Variants in TBR1 observed in about 807,000 individuals in gnomAD.
TBR1 encodes T-box brain protein 1.
TBR1 carries 7 observed loss-of-function variants against 60.3 expected under a neutral mutation model. The observed-to-expected ratio is 0.12, with a 90% confidence interval of 0.07 to 0.22. The LOEUF (loss-of-function observed/expected upper bound fraction) is 0.22. Among genes scored for constraint, TBR1 ranks in the 10% least tolerant of loss-of-function variants. The pLI, the probability that TBR1 is intolerant of heterozygous loss-of-function variation, is 1.00. For missense variants in TBR1, 616 were observed against 936.8 expected (o/e 0.66, Z 4.47); for synonymous variants, 417 against 409.9 (o/e 1.02, Z -0.21).
intron 2 of TBR1, 23 bp from the exon 3 acceptor site, chr2:161,418,178 A>C: frequency 6.2e-7 from 1 of 1,607,148 alleles, no homozygotes; most frequent in South Asian, 1.1e-5. Flanking sequence ...GGGCATATGT[A>C]AACAATGTAT....
intron 2 of TBR1, 100 bp from the exon 3 acceptor site, chr2:161,418,101 T>TGG: frequency 2.2e-6 from 2 of 911,772 alleles, no homozygotes; most frequent in Non-Finnish European, 2.8e-6. Flanking sequence ...TGTGTATGTG[T>TGG]GTGTGTGTGT....
rs1348387453 is a variant in TBR1 at position 161,424,662 on chromosome 2, G to A, written c.*435G>A. On this transcript the variant is annotated 3_prime_UTR_variant, in exon 6 of 6. Coordinates refer to ENST00000389554, the MANE Select transcript of TBR1 (RefSeq NM_006593.4). The surrounding 1 kb of genome is among the most constrained non-coding windows in gnomAD (Gnocchi z 4.4). ...CATAGGATGTTGACTCTAGAACCTG[G>A]ACCCACCCAGCGCGTCCTTTCTTAT... The A allele has an allele frequency of 6.3e-6, 1 of 158,274 alleles. No homozygotes were observed. Among genetic ancestry groups the A allele is most frequent in the African/African-American group, 2.4e-5 (1 of 41,578 alleles). The allele number at this position is 158,274 out of a possible 1,614,324, so 9.8% of individuals were successfully genotyped here.
Position 161,423,826 on chromosome 2 carries a change from C to G in TBR1, c.1648C>G (p.Pro550Ala), listed in dbSNP as rs1033104710. Reference sequence around the variant, plus strand: ...CCCGTCGGGCTGGGGCGCCCGCAGTCCCCCGCAGTACTGCGGCACCAAGTC... The same window carrying G: ...CCCGTCGGGCTGGGGCGCCCGCAGTGCCCCGCAGTACTGCGGCACCAAGTC... The part of the protein sequence containing the change: ...ADPSGWGARS[P>A]PQYCGTKSGS... The change falls in exon 6 of 6, where the codon CCC becomes GCC. Residue 550 changes from proline to alanine, a missense_variant. Physicochemically the swap from Pro to Ala is conservative, Grantham distance 27 (BLOSUM62 -1). Around this residue, in one of 8 missense-constraint regions of TBR1, gnomAD observed 210 missense variants for 297.4 expected, o/e 0.71. Transcript: ENST00000389554. 8 of 1,476,224 alleles carry G rather than the reference C, an allele frequency of 5.4e-6. No individual in the cohort carries two copies. The South Asian group carries it at 9.1e-5, about 17-fold the overall frequency. The allele number at this position is 1,476,224 out of a possible 1,614,324, so 91.4% of individuals were successfully genotyped here.
intron 5 of TBR1, chr2:161,423,131 C>T: frequency 2.5e-6 from 1 of 395,658 alleles, no homozygotes; most frequent in Non-Finnish European, 4.4e-6. Context: ...TGGTCTGTAT[C>T]TTGCTCAGGT....
Position 161,417,601 on chromosome 2 carries a change from G to T in TBR1, c.693-75G>T. The T allele has an allele frequency of 2.0e-6, 3 of 1,530,946 alleles. No individual in the cohort carries two copies. Among genetic ancestry groups the T allele is most frequent in the South Asian group, 1.3e-5 (1 of 76,920 alleles). 94.8% of individuals were successfully genotyped at this position (1,530,946 alleles called of 1,614,324 possible). The stretch of plus-strand genomic sequence containing the variant: ...GTTTTGCTTTGCTAACTGGCGCCCC[G>T]CTTCTTGCATTTAATCTTTAACATT... On this transcript the variant is annotated intron_variant, in intron 1 of 5. Coordinates refer to ENST00000389554, the MANE Select transcript of TBR1 (RefSeq NM_006593.4). This position sits in a 1 kb window ranked among gnomAD's most constrained non-coding sequence, Gnocchi z 5.3.
rs760442649 is a variant in TBR1 at position 161,416,809 on chromosome 2, G to T, written c.399G>T (p.Ala133=). 3.1e-6 allele frequency: 5 copies of T among 1,614,062 alleles called. No homozygotes were observed. The highest frequency in any genetic ancestry group is 4.2e-6 in the Non-Finnish European group (5 of 1,180,028). Residue 133 remains alanine, a synonymous_variant, in exon 1 of 6, where the codon GCG becomes GCT. Transcript: ENST00000389554. The surrounding 1 kb of genome is among the most constrained non-coding windows in gnomAD (Gnocchi z 6.1). ...MFPYPGQHGP[A]HPAFSIGSPS... ...CGTACCCCGGCCAGCACGGACCGGC[G>T]CACCCCGCCTTCTCCATCGGCAGCC...
At position 161,424,459 on chromosome 2, in the gene TBR1, G is replaced by C. The variant is rs1684290367; in HGVS notation, c.*232G>C. ...CCTTCAACTTTGCTGTAAACCTTTT[G>C]GTTTTCCTACTTACTCTTCTTCTGT... On this transcript the variant is annotated 3_prime_UTR_variant, in exon 6 of 6. Coordinates refer to ENST00000389554, the MANE Select transcript of TBR1 (RefSeq NM_006593.4). This position sits in a 1 kb window ranked among gnomAD's most constrained non-coding sequence, Gnocchi z 4.4. 1 of 523,976 alleles carries C rather than the reference G, an allele frequency of 1.9e-6. No individual in the cohort carries two copies. Among genetic ancestry groups the C allele is most frequent in the Non-Finnish European group, 3.4e-6 (1 of 297,922 alleles). 32.5% of individuals were successfully genotyped at this position (523,976 alleles called of 1,614,324 possible).
chr2:161,421,553 A>G (rs1233462734), intron 5 of TBR1: 1 of 152,234 alleles, frequency 6.6e-6, no homozygotes, highest in East Asian at 1.9e-4. Context: ...AGATTTTGAG[A>G]TTTTAATTCT....
chr2:161,418,813 C>T, intron 3 of TBR1, 79 bp from the exon 4 acceptor site: 1 of 1,515,236 alleles, frequency 6.6e-7, no homozygotes, highest in Non-Finnish European at 8.8e-7. Context: ...CCCGGGCGCG[C>T]AGCCGGGCGC....
At chr2:161,418,800 C>A in intron 3 of TBR1, 92 bp from the exon 4 acceptor site, 1 of 1,493,964 alleles carries the variant, frequency 6.7e-7, no homozygotes, top group Non-Finnish European at 8.9e-7. Context: ...CTGCCTCCGC[C>A]GGCCCGGGCG....
chr2:161,421,865 C>G (rs1684236338), intron 5 of TBR1: 1 of 152,048 alleles, frequency 6.6e-6, no homozygotes, highest in Admixed American at 6.6e-5. Flanking sequence ...CCTCTGGCTG[C>G]CTTCTGTTGG....
At chr2:161,418,625 A>G in intron 3 of TBR1, 1 of 551,586 alleles carries the variant, frequency 1.8e-6, no homozygotes, top group Non-Finnish European at 3.1e-6. Flanking sequence ...TCCTTACAGG[A>G]GGACTAGGAG....
Position 161,419,065 on chromosome 2 carries a change from G to T in TBR1, c.1128+15G>T. 2 of 1,613,772 alleles carry T rather than the reference G, an allele frequency of 1.2e-6. No homozygotes were observed. Among genetic ancestry groups the T allele is most frequent in the Non-Finnish European group, 1.7e-6 (2 of 1,179,896 alleles). ...AGAACACGGATGTAAGGAGACCTAG[G>T]GGCTGGGGGCGAGGCGGGCGGCACA... is the stretch of plus-strand genomic sequence containing the variant. On this transcript the variant is annotated intron_variant, in intron 4 of 5. Coordinates refer to ENST00000389554, the MANE Select transcript of TBR1 (RefSeq NM_006593.4).
chr2:161,416,659 C>G lies in TBR1; in HGVS notation c.249C>G (p.Leu83=). The G allele has an allele frequency of 6.2e-7, 1 of 1,614,236 alleles. No homozygotes were observed. The highest frequency in any genetic ancestry group is 8.5e-7 in the Non-Finnish European group (1 of 1,180,046). Residue 83 remains leucine (L), a synonymous_variant, in exon 1 of 6, where the codon CTC becomes CTG. Transcript: ENST00000389554. This position sits in a 1 kb window ranked among gnomAD's most constrained non-coding sequence, Gnocchi z 6.1. ...DSPGDVQRSK[L]SPVLDGVSEL... ...CAGGGGACGTCCAGAGAAGTAAACTCTCTCCTGTCTTGGACGGGGTCTCTG... is the reference window on the plus strand; with the variant it reads ...CAGGGGACGTCCAGAGAAGTAAACTGTCTCCTGTCTTGGACGGGGTCTCTG...
chr2:161,419,707 T>A (rs1293346730), intron 4 of TBR1: 1 of 152,426 alleles, frequency 6.6e-6, no homozygotes, highest in Non-Finnish European at 1.5e-5. Flanking sequence ...TTCTTTTTTT[T>A]ACTTAAATGA....
At chr2:161,420,421 T>A in intron 5 of TBR1, 164 bp downstream of exon 5, 1 of 170,514 alleles carries the variant, frequency 5.9e-6, no homozygotes, top group East Asian at 1.5e-4. Flanking sequence ...TCCTCTTCTT[T>A]TTTTTTTTTT....
Position 161,424,556 on chromosome 2 carries a change from A to G in TBR1, c.*329A>G. The G allele has an allele frequency of 4.0e-6, 1 of 248,398 alleles. No individual in the cohort carries two copies. Among genetic ancestry groups the G allele is most frequent in the Non-Finnish European group, 7.8e-6 (1 of 128,708 alleles). The allele number at this position is 248,398 out of a possible 1,614,324, so 15.4% of individuals were successfully genotyped here. A position where few individuals can be genotyped will look rare whatever the true frequency, so the allele number is the denominator to read the frequency against. On this transcript the variant is annotated 3_prime_UTR_variant, in exon 6 of 6. Coordinates refer to ENST00000389554, the MANE Select transcript of TBR1 (RefSeq NM_006593.4). The surrounding 1 kb of genome is among the most constrained non-coding windows in gnomAD (Gnocchi z 4.4). ...TCCTACTTCTCTTTCTTGTAATGAA[A>G]CTCTTCACCTTTAGGAGACCTGGGC... is the stretch of plus-strand genomic sequence containing the variant.
rs767866030 is a variant in TBR1, at chr2:161,423,666, G to C, written c.1488G>C (p.Ala496=). Residue 496 remains alanine, a synonymous_variant, in exon 6 of 6, where the codon GCG becomes GCC. Coordinates refer to ENST00000389554, the MANE Select transcript of TBR1 (RefSeq NM_006593.4). Reference sequence around the variant, plus strand: ...CGGCCAACAACCGGCTGGACTTCGCGGCCTCGGCCTATGACACGGCCACGG... The same window carrying C: ...CGGCCAACAACCGGCTGGACTTCGCCGCCTCGGCCTATGACACGGCCACGG... ...VTPANNRLDF[A]ASAYDTATDF... is the part of the protein sequence containing the mutation. 115 of 1,543,912 alleles carry C rather than the reference G, an allele frequency of 7.4e-5. 3 individuals are homozygous for C. The South Asian group carries it at 1.3e-3, about 17-fold the overall frequency.
At position 161,418,102 on chromosome 2, in the gene TBR1, G is replaced by GTGTGTGTGTGTGTA; in HGVS notation, c.848-86_848-85insATGTGTGTGTGTGT. 4.3e-6 allele frequency: 4 copies of GTGTGTGTGTGTGTA among 920,552 alleles called. No individual in the cohort carries two copies. In the East Asian group the frequency reaches 2.2e-4, roughly 51 times the overall value. The allele number at this position is 920,552 out of a possible 1,614,324, so 57.0% of individuals were successfully genotyped here. A position where few individuals can be genotyped will look rare whatever the true frequency, so the allele number is the denominator to read the frequency against. ...GGTGGAGTAAGGTGTGTGTATGTGT[G>GTGTGTGTGTGTGTA]TGTGTGTGTGTGTGTGTGTGTGTGT... On this transcript the variant is annotated intron_variant, in intron 2 of 5. Transcript: ENST00000389554.
Sources: allele counts gnomAD v4.1 joint callset, GRCh38; gene constraint gnomAD v4.1.1; regional missense constraint gnomAD v4.1.1; non-coding constraint Gnocchi (gnomAD v3.1); transcripts MANE v1.5; gene names NCBI Gene and HGNC (gene_info 2026-07-23, HGNC 2026-07-21).